OXR1: variants seen among roughly 807,000 people sequenced by gnomAD.
OXR1 encodes oxidation resistance protein 1.
A neutral mutation model predicts 104.6 loss-of-function variants in OXR1; 41 were observed. That is an observed-to-expected ratio of 0.39 (90% CI 0.31 to 0.51). The LOEUF (loss-of-function observed/expected upper bound fraction) is 0.51. Among genes scored for constraint, OXR1 ranks in the 20% least tolerant of loss-of-function variants. The pLI is 0.77. For missense variants in OXR1, 955 were observed against 1,031.9 expected, an observed-to-expected ratio of 0.93 and a Z score of 1.02; for synonymous variants, 348 against 348.4, an observed-to-expected ratio of 1.00 and a Z score of 0.01.
rs2131306904 is a variant in OXR1 at position 106,694,648 on chromosome 8, TA to T, written c.675+1772del. Among the ~76,000 whole-genome samples, 2 of 111,994 alleles carry T rather than the reference TA, an allele frequency of 1.8e-5. 1 individual carries two copies. The highest frequency in any genetic ancestry group is 2.2e-4 in the Admixed American group (2 of 8,950). The allele number at this position is 111,994 out of a possible 152,430, so 73.5% of individuals were successfully genotyped here. Reference sequence around the variant, plus strand: ...TGATATATAAATATATGTTTATATATATTTGATATATAAATATATGTTTATA... The same window carrying T: ...TGATATATAAATATATGTTTATATATTTTGATATATAAATATATGTTTATA... On this transcript the variant is annotated intron_variant, in intron 7 of 16. Coordinates refer to ENST00000517566, the MANE Select transcript of OXR1 (RefSeq NM_001198533.2).
At chr8:106,576,770 T>A (rs1017138238) in intron 3 of OXR1, among the ~76,000 whole-genome samples, 19 of 152,140 alleles carry the variant, frequency 1.2e-4, no homozygotes, top group African/African-American at 4.6e-4. Context: ...ATTCAGTAAG[T>A]CAAACATCAT....
intron 1 of OXR1, among the ~76,000 whole-genome samples, chr8:106,348,735 C>G (rs886803782): frequency 5.9e-5 from 9 of 152,016 alleles, no homozygotes; most frequent in African/African-American, 2.2e-4. Flanking sequence ...GAGTTTTGAA[C>G]CGAGAATTCT....
At chr8:106,403,362 T>C (rs2130481839) in intron 2 of OXR1, among the ~76,000 whole-genome samples, 1 of 152,344 alleles carries the variant, frequency 6.6e-6, no homozygotes, top group Admixed American at 6.5e-5. Flanking sequence ...GACAGTTGAG[T>C]GCTGCCACTT....
chr8:106,647,065 A>T (rs1376952297), intron 3 of OXR1, among the ~76,000 whole-genome samples: 2 of 152,222 alleles, frequency 1.3e-5, no homozygotes, highest in African/African-American at 2.4e-5. Flanking sequence ...ATTCTATGGT[A>T]AGTTGATGTC....
In OXR1 at chr8:106,691,209, TA is replaced by T. The variant is rs750731997; in HGVS notation, c.526-1518del. Among the ~76,000 whole-genome samples the T allele has an allele frequency of 2.6e-5, 4 of 152,010 alleles. No individual in the cohort carries two copies. The East Asian group carries it at 7.7e-4, about 29-fold the overall frequency. On this transcript the variant is annotated intron_variant, in intron 6 of 16. Coordinates refer to ENST00000517566, the MANE Select transcript of OXR1 (RefSeq NM_001198533.2). ...ATAGATATAGATGTTTATATTTCTATATTTTTAAGGACCTTCTCTGGTGGCT... is the reference window on the plus strand; with the variant it reads ...ATAGATATAGATGTTTATATTTCTATTTTTTAAGGACCTTCTCTGGTGGCT...
At chr8:106,729,738 T>G (rs963179913) in intron 11 of OXR1, 1 of 152,154 alleles carries the variant, frequency 6.6e-6, no homozygotes, top group African/African-American at 2.4e-5. Flanking sequence ...TGTTTTTTAT[T>G]TTTCATTTAA....
chr8:106,320,885 T>A (rs1284284853), intron 1 of OXR1, among the ~76,000 whole-genome samples: 1 of 152,182 alleles, frequency 6.6e-6, no homozygotes, highest in Non-Finnish European at 1.5e-5. Context: ...TTGGCCAGAC[T>A]GGTCTCAAAC....
chr8:106,278,072 A>G (rs1211453544), intron 1 of OXR1, among the ~76,000 whole-genome samples: 6 of 152,204 alleles, frequency 3.9e-5, no homozygotes, highest in Non-Finnish European at 7.3e-5. Context: ...GGTCATGGTT[A>G]AAGTCTAGAG....
intron 1 of OXR1, among the ~76,000 whole-genome samples, chr8:106,331,016 A>G (rs990121359): frequency 1.3e-5 from 2 of 152,222 alleles, no homozygotes; most frequent in African/African-American, 2.4e-5. Context: ...TTTATTATAA[A>G]TATCTTTCAT....
intron 1 of OXR1, among the ~76,000 whole-genome samples, chr8:106,328,260 G>C (rs1477164225): frequency 1.3e-5 from 2 of 152,124 alleles, no homozygotes; most frequent in Non-Finnish European, 2.9e-5. Context: ...CAGAAGAATG[G>C]GAAACTGATA....
chr8:106,387,309 G>A (rs927141878), intron 2 of OXR1, among the ~76,000 whole-genome samples: 1 of 152,078 alleles, frequency 6.6e-6, no homozygotes, highest in Non-Finnish European at 1.5e-5. Context: ...GTTTGTTAGT[G>A]GAAAAATTAT....
chr8:106,517,422 GT>G (rs1427374792), intron 2 of OXR1, among the ~76,000 whole-genome samples: 1 of 151,806 alleles, frequency 6.6e-6, no homozygotes, highest in East Asian at 1.9e-4. Flanking sequence ...GACATTTGAG[GT>G]TTTTTTCAAT....
intron 1 of OXR1, among the ~76,000 whole-genome samples, chr8:106,321,921 A>G (rs1313023707): frequency 6.6e-6 from 1 of 152,198 alleles, no homozygotes; most frequent in African/African-American, 2.4e-5. Flanking sequence ...TCTTAATACA[A>G]CTTTATATAT....
chr8:106,476,608 G>A (rs1477938724), intron 2 of OXR1, among the ~76,000 whole-genome samples: 1 of 151,772 alleles, frequency 6.6e-6, no homozygotes, highest in Non-Finnish European at 1.5e-5. Flanking sequence ...CCAGAATAGG[G>A]CACTTTCATC....
intron 2 of OXR1, among the ~76,000 whole-genome samples, chr8:106,362,847 T>C (rs893776991): frequency 8.5e-5 from 13 of 152,186 alleles, no homozygotes; most frequent in Admixed American, 7.9e-4. Context: ...ACAGTAACAC[T>C]AAAATAGTGG....
At chr8:106,581,574 C>T (rs941571581) in intron 3 of OXR1, among the ~76,000 whole-genome samples, 1 of 151,792 alleles carries the variant, frequency 6.6e-6, no homozygotes, top group African/African-American at 2.4e-5. Context: ...GTTTCCAATT[C>T]CTGTTTCATT....
intron 1 of OXR1, among the ~76,000 whole-genome samples, chr8:106,340,159 T>A (rs570212064): frequency 6.6e-6 from 1 of 152,088 alleles, no homozygotes; most frequent in African/African-American, 2.4e-5. Flanking sequence ...CCGGTTTTTG[T>A]ACTATAGTGA....
intron 3 of OXR1, among the ~76,000 whole-genome samples, chr8:106,597,022 C>T (rs1819584546): frequency 6.6e-6 from 1 of 152,118 alleles, no homozygotes; most frequent in African/African-American, 2.4e-5. Flanking sequence ...CACTGCACTC[C>T]AGCCTGGGGA....
chr8:106,420,534 A>G (rs1238667935), intron 2 of OXR1, among the ~76,000 whole-genome samples: 5 of 152,054 alleles, frequency 3.3e-5, no homozygotes, highest in African/African-American at 4.8e-5. Flanking sequence ...CCAAATCTGT[A>G]TACTCATTAA....
Sources: gnomAD v4.1 joint callset for allele counts (sites outside exome capture counted in the v4.1 genomes callset) on GRCh38, gnomAD v4.1.1 for gene constraint, MANE v1.5 for transcripts, NCBI Gene and HGNC (gene_info 2026-07-23, HGNC 2026-07-21) for gene names.